Variants in RPIA observed in about 807,000 individuals in gnomAD.
RPIA encodes the protein ribose 5-phosphate isomerase A.
Under a neutral mutation model 37.8 loss-of-function variants are expected in RPIA, and 29 were observed. That is an observed-to-expected ratio of 0.77 (90% CI 0.57 to 1.05). RPIA has a LOEUF of 1.05. Among genes scored for constraint, RPIA ranks in the 50% least tolerant of loss-of-function variants. The pLI is 0.00. For missense variants in RPIA, 385 were observed against 413.6 expected, an observed-to-expected ratio of 0.93 and a Z score of 0.60; for synonymous variants, 167 against 157.0, an observed-to-expected ratio of 1.06 and a Z score of -0.48.
chr2:88,696,079 GA>G (rs1672741687), intron 1 of RPIA, among the ~76,000 whole-genome samples: 1 of 152,190 alleles, frequency 6.6e-6, no homozygotes, highest in African/African-American at 2.4e-5. Context: ...TGTGGGGAAT[GA>G]AGGATTTTAG....
chr2:88,703,324 G>A (rs925150201), intron 3 of RPIA, among the ~76,000 whole-genome samples: 6 of 152,178 alleles, frequency 3.9e-5, no homozygotes, highest in South Asian at 2.1e-4. Flanking sequence ...TTTTCCATCC[G>A]CACTGCCCTA....
intron 6 of RPIA, among the ~76,000 whole-genome samples, chr2:88,736,119 T>C (rs1337543151): frequency 6.6e-6 from 1 of 152,182 alleles, no homozygotes; most frequent in African/African-American, 2.4e-5. Context: ...ATACCCTGCT[T>C]CTTCTCGGGT....
intron 3 of RPIA, among the ~76,000 whole-genome samples, chr2:88,713,588 C>T (rs1051971173): frequency 6.6e-6 from 1 of 152,194 alleles, no homozygotes; most frequent in Non-Finnish European, 1.5e-5. Flanking sequence ...TGGTATGGAT[C>T]TATTTTCGTC....
chr2:88,692,841 G>C (rs72919431), intron 1 of RPIA, among the ~76,000 whole-genome samples: 2,730 of 151,984 alleles, frequency 0.018, 87 homozygotes, highest in African/African-American at 0.061. Context: ...ATTTGTTAAT[G>C]CTTTACAAAA....
chr2:88,721,462 C>T (rs1005798753), intron 3 of RPIA, among the ~76,000 whole-genome samples: 1 of 144,948 alleles, frequency 6.9e-6, no homozygotes, highest in Middle Eastern at 3.6e-3. Flanking sequence ...ATATAAAATA[C>T]AACATATTAG....
At chr2:88,741,679 A>C (rs1210488587) in intron 8 of RPIA, among the ~76,000 whole-genome samples, 1 of 152,198 alleles carries the variant, frequency 6.6e-6, no homozygotes, top group Non-Finnish European at 1.5e-5. Flanking sequence ...TGGTTGTACT[A>C]GTTTACATTC....
intron 8 of RPIA, among the ~76,000 whole-genome samples, chr2:88,742,842 C>T (rs1238959816): frequency 6.6e-6 from 1 of 152,116 alleles, no homozygotes. Flanking sequence ...TGATTCTCTA[C>T]ATGGTTGCTG....
At chr2:88,702,138 C>T (rs10179529) in intron 3 of RPIA, among the ~76,000 whole-genome samples, 107,661 of 152,082 alleles carry the variant, frequency 0.71, 38,329 homozygotes, top group East Asian at 0.85. Flanking sequence ...GCTGGGAGTA[C>T]AATTTGAGGA....
At chr2:88,699,366 A>C (rs926724015) in intron 2 of RPIA, among the ~76,000 whole-genome samples, 2 of 152,044 alleles carry the variant, frequency 1.3e-5, no homozygotes, top group African/African-American at 4.8e-5. Flanking sequence ...GATTAAAAAG[A>C]CTTGAAATTT....
intron 8 of RPIA, among the ~76,000 whole-genome samples, chr2:88,748,951 C>CTCCATG (rs1673470108): frequency 6.6e-6 from 1 of 152,078 alleles, no homozygotes; most frequent in Non-Finnish European, 1.5e-5. Flanking sequence ...TGGGCTCCAT[C>CTCCATG]AGCTCCATCT....
chr2:88,742,316 C>G (rs759637604), intron 8 of RPIA, among the ~76,000 whole-genome samples: 2 of 152,096 alleles, frequency 1.3e-5, no homozygotes, highest in African/African-American at 2.4e-5. Flanking sequence ...TGTCCTTTCC[C>G]CCTTGATATT....
chr2:88,718,813 A>G (rs1161527436), intron 3 of RPIA, among the ~76,000 whole-genome samples: 2 of 152,358 alleles, frequency 1.3e-5, no homozygotes, highest in South Asian at 2.1e-4. Flanking sequence ...CAGGTAGAGA[A>G]AAACAAATAT....
Position 88,699,991 on chromosome 2 carries a change from T to C in RPIA, c.347-18T>C, listed in dbSNP as rs1384451036. On this transcript the variant is annotated intron_variant, in intron 2 of 8. Coordinates refer to ENST00000283646, the MANE Select transcript of RPIA (RefSeq NM_144563.3). Reference sequence around the variant, plus strand: ...TAAGGAGAGTGAAAAACTGCCAATATGGCTTTTGTTTCCACAGCTGAAAGG... The same window carrying C: ...TAAGGAGAGTGAAAAACTGCCAATACGGCTTTTGTTTCCACAGCTGAAAGG... 3 of 1,613,912 alleles carry C rather than the reference T, an allele frequency of 1.9e-6. No individual in the cohort carries two copies. Among genetic ancestry groups the C allele is most frequent in the African/African-American group, 2.7e-5 (2 of 74,934 alleles).
At chr2:88,738,178 G>C (rs962700656) in intron 8 of RPIA, 102 bp downstream of exon 8, 1 of 864,710 alleles carries the variant, frequency 1.2e-6, no homozygotes, top group Non-Finnish European at 2.0e-6. Context: ...GCTTTGTAAG[G>C]CTTGGTTGGA....
In RPIA at chr2:88,691,851, C is replaced by T. The variant is rs1676938405; in HGVS notation, c.153C>T (p.Thr51=). The T allele has an allele frequency of 1.9e-6, 3 of 1,596,026 alleles. No homozygotes were observed. Among genetic ancestry groups the T allele is most frequent in the African/African-American group, 2.7e-5 (2 of 74,738 alleles). ...VRLPGRAQSG[T]RGGAGNTSTS... ...TGCCGGGGCGTGCACAGTCTGGGACCCGTGGCGGTGCTGGCAACACAAGCA... is the reference window on the plus strand; with the variant it reads ...TGCCGGGGCGTGCACAGTCTGGGACTCGTGGCGGTGCTGGCAACACAAGCA... Residue 51 remains threonine (T), a synonymous_variant, in exon 1 of 9, where the codon ACC becomes ACT. Coordinates refer to ENST00000283646, the MANE Select transcript of RPIA (RefSeq NM_144563.3).
chr2:88,694,214 G>A (rs1365694711), intron 1 of RPIA, among the ~76,000 whole-genome samples: 1 of 152,236 alleles, frequency 6.6e-6, no homozygotes, highest in Non-Finnish European at 1.5e-5. Flanking sequence ...GGTTGGCTTT[G>A]GCAAGGGCAC....
intron 3 of RPIA, among the ~76,000 whole-genome samples, chr2:88,708,411 T>G (rs2104088575): frequency 6.6e-6 from 1 of 151,822 alleles, no homozygotes; most frequent in East Asian, 1.9e-4. Context: ...TTTAGTGAGG[T>G]TCAAGTGAGT....
At chr2:88,713,963 AGG>A (rs1673000566) in intron 3 of RPIA, among the ~76,000 whole-genome samples, 1 of 149,894 alleles carries the variant, frequency 6.7e-6, no homozygotes, top group South Asian at 2.1e-4. Flanking sequence ...TTTTTGTTTA[AGG>A]GACTTCTTCT....
At chr2:88,709,293 G>A (rs1353135101) in intron 3 of RPIA, among the ~76,000 whole-genome samples, 1 of 152,202 alleles carries the variant, frequency 6.6e-6, no homozygotes, top group Non-Finnish European at 1.5e-5. Flanking sequence ...GCAAGGAAAT[G>A]TTTCAACTCA....
Sources: gnomAD v4.1 joint callset for allele counts (sites outside exome capture counted in the v4.1 genomes callset) on GRCh38, gnomAD v4.1.1 for gene constraint, MANE v1.5 for transcripts, NCBI Gene and HGNC (gene_info 2026-07-23, HGNC 2026-07-21) for gene names.